The following PDE4D variants were observed in gnomAD, a reference collection of about 807,000 sequenced individuals.
PDE4D encodes the protein 3',5'-cyclic-AMP phosphodiesterase 4D.
Under a neutral mutation model 87.4 loss-of-function variants are expected in PDE4D, and 24 were observed. That is an observed-to-expected ratio of 0.27 (90% CI 0.20 to 0.39). The LOEUF (loss-of-function observed/expected upper bound fraction) is 0.39. PDE4D is among the 10% of genes least tolerant of loss of function. The pLI, the probability that PDE4D is intolerant of heterozygous loss-of-function variation, is 1.00. For synonymous variants in PDE4D, 384 were observed against 383.2 expected (o/e 1.00, Z -0.02); for missense variants, 714 against 1,041.0 (o/e 0.69, Z 4.32).
intron 1 of PDE4D, among the ~76,000 whole-genome samples, chr5:60,444,174 T>C (rs1745458106): frequency 6.6e-6 from 1 of 152,174 alleles, no homozygotes. Flanking sequence ...AATGGTGATA[T>C]TTCAAAGTTG....
chr5:60,076,927 G>A (rs146423631), intron 2 of PDE4D, among the ~76,000 whole-genome samples: 5 of 152,324 alleles, frequency 3.3e-5, no homozygotes, highest in East Asian at 1.9e-4. Flanking sequence ...GCCACATGGC[G>A]ACATGGCTTG....
Position 58,974,568 on chromosome 5 carries a change from G to A in PDE4D, c.*96C>T. ...TTGTTCAACAAACGTCCTGGCAGAT[G>A]ACAGTGAGGTGTGACCGTGGTTGTG... is the stretch of plus-strand genomic sequence containing the variant. On this transcript the variant is annotated 3_prime_UTR_variant, in exon 15 of 15. Transcript: ENST00000340635. 8.7e-7 allele frequency: 1 copy of A among 1,149,174 alleles called. No individual in the cohort carries two copies. Among genetic ancestry groups the A allele is most frequent in the South Asian group, 1.7e-5 (1 of 60,456 alleles). The allele number at this position is 1,149,174 out of a possible 1,614,324, so 71.2% of individuals were successfully genotyped here. A position where few individuals can be genotyped will look rare whatever the true frequency, so the allele number is the denominator to read the frequency against.
chr5:60,182,605 G>A (rs551402961), intron 2 of PDE4D, among the ~76,000 whole-genome samples: 1 of 152,190 alleles, frequency 6.6e-6, no homozygotes, highest in Non-Finnish European at 1.5e-5. Context: ...GCACTCCAGC[G>A]CCGTGGCTCA....
chr5:59,864,110 C>CTCA (rs1746672268), intron 1 of PDE4D, among the ~76,000 whole-genome samples: 1 of 152,064 alleles, frequency 6.6e-6, no homozygotes, highest in Non-Finnish European at 1.5e-5. Context: ...GTTCAATAAC[C>CTCA]TCATGGTTCA....
At chr5:60,232,820 G>T (rs1267403113) in intron 1 of PDE4D, among the ~76,000 whole-genome samples, 1 of 151,708 alleles carries the variant, frequency 6.6e-6, no homozygotes, top group Non-Finnish European at 1.5e-5. Flanking sequence ...GATATTAAAA[G>T]TGCCAACACA....
intron 1 of PDE4D, among the ~76,000 whole-genome samples, chr5:60,449,670 A>T (rs1745941583): frequency 6.6e-6 from 1 of 151,010 alleles, no homozygotes; most frequent in South Asian, 2.1e-4. Context: ...AAAAATAAAT[A>T]AAATAAAAAA....
intron 1 of PDE4D, among the ~76,000 whole-genome samples, chr5:60,222,106 A>C (rs1480888758): frequency 6.6e-6 from 1 of 152,098 alleles, no homozygotes; most frequent in African/African-American, 2.4e-5. Context: ...ATTTCACAAA[A>C]CTATGGAGTA....
At chr5:59,701,370 C>A (rs1480970403) in intron 1 of PDE4D, among the ~76,000 whole-genome samples, 1 of 152,152 alleles carries the variant, frequency 6.6e-6, no homozygotes, top group African/African-American at 2.4e-5. Context: ...CCAATTTGAA[C>A]TACTTTAATC....
Position 59,156,331 on chromosome 5 carries a change from A to ATGTGTGTGTGTG in PDE4D, c.808+24252_808+24263dup, listed in dbSNP as rs60467130. ...CCAGAAAAAAAAAAAATATATATATATGTGTGTGTGTGTGTGTGTGTGTGT... is the reference window on the plus strand; with the variant it reads ...CCAGAAAAAAAAAAAATATATATATATGTGTGTGTGTGTGTGTGTGTGTGTGTGTGTGTGTGT... On this transcript the variant is annotated intron_variant, in intron 5 of 14. Coordinates refer to ENST00000340635, the MANE Select transcript of PDE4D (RefSeq NM_001104631.2). Among the ~76,000 whole-genome samples the ATGTGTGTGTGTG allele has an allele frequency of 1.1e-4, 13 of 122,758 alleles. No individual in the cohort carries two copies. In the East Asian group the frequency reaches 2.4e-3, roughly 23 times the overall value. 80.5% of individuals were successfully genotyped at this position (122,758 alleles called of 152,430 possible). A position where few individuals can be genotyped will look rare whatever the true frequency, so the allele number is the denominator to read the frequency against.
intron 6 of PDE4D, among the ~76,000 whole-genome samples, chr5:59,030,448 A>AAAAGG: frequency 6.8e-6 from 1 of 147,362 alleles, no homozygotes. Context: ...AAAAAAAAAC[A>AAAAGG]ATGTTCCCCA....
chr5:59,622,637 T>A (rs1257901761), intron 1 of PDE4D, among the ~76,000 whole-genome samples: 1 of 152,186 alleles, frequency 6.6e-6, no homozygotes, highest in Non-Finnish European at 1.5e-5. Context: ...GTCTCTTCCA[T>A]GCCCAATCTT....
intron 1 of PDE4D, among the ~76,000 whole-genome samples, chr5:59,527,951 A>G (rs1173984871): frequency 6.6e-6 from 1 of 152,194 alleles, no homozygotes; most frequent in African/African-American, 2.4e-5. Flanking sequence ...TCCTTCTGTT[A>G]TATCTGAAAC....
At chr5:59,252,523 C>T (rs1760155669) in intron 1 of PDE4D, among the ~76,000 whole-genome samples, 1 of 150,984 alleles carries the variant, frequency 6.6e-6, no homozygotes, top group Admixed American at 6.6e-5. Flanking sequence ...ACCATATCAT[C>T]TGGGTTTTTT....
intron 2 of PDE4D, among the ~76,000 whole-genome samples, chr5:60,093,291 C>A (rs2081812324): frequency 6.6e-6 from 1 of 152,130 alleles, no homozygotes; most frequent in African/African-American, 2.4e-5. Context: ...TTCTGCAATA[C>A]CTAGATATGG....
intron 3 of PDE4D, among the ~76,000 whole-genome samples, chr5:59,944,143 C>T (rs967265844): frequency 6.6e-6 from 1 of 152,186 alleles, no homozygotes; most frequent in Non-Finnish European, 1.5e-5. Context: ...AACTTAATGC[C>T]GTGGAGTCAA....
At chr5:60,504,142 C>T (rs1291581711) in intron 1 of PDE4D, among the ~76,000 whole-genome samples, 1 of 152,164 alleles carries the variant, frequency 6.6e-6, no homozygotes, top group African/African-American at 2.4e-5. Context: ...AAATCCATTT[C>T]AAAGCCTTCT....
chr5:58,982,389 A>C (rs892482120), intron 11 of PDE4D, among the ~76,000 whole-genome samples: 1 of 152,176 alleles, frequency 6.6e-6, no homozygotes, highest in Non-Finnish European at 1.5e-5. Context: ...ATGTTAGGGA[A>C]TATGGTAAGA....
chr5:59,130,943 C>G (rs1358195433), intron 5 of PDE4D, among the ~76,000 whole-genome samples: 1 of 152,202 alleles, frequency 6.6e-6, no homozygotes, highest in East Asian at 1.9e-4. Flanking sequence ...TTATTCCCTT[C>G]TTTAAAACCA....
chr5:59,315,293 C>T (rs1033081004), intron 1 of PDE4D, among the ~76,000 whole-genome samples: 13 of 152,102 alleles, frequency 8.5e-5, no homozygotes, highest in South Asian at 2.1e-4. Flanking sequence ...ACACCTGTTT[C>T]CCCTGGACCT....
Sources: allele counts gnomAD v4.1 joint callset (sites outside exome capture counted in the v4.1 genomes callset), GRCh38; gene constraint gnomAD v4.1.1; transcripts MANE v1.5; gene names NCBI Gene and HGNC (gene_info 2026-07-23, HGNC 2026-07-21).